NOM1: variants seen among roughly 807,000 people sequenced by gnomAD.
NOM1 encodes the protein nucleolar protein with MIF4G domain 1.
A neutral mutation model predicts 73.3 loss-of-function variants in NOM1; 58 were observed. The ratio of observed to expected loss-of-function variants is 0.79; its 90% CI spans 0.64 to 0.99. NOM1 has a LOEUF of 0.99. NOM1 is among the 50% of genes least tolerant of loss of function. The pLI is 0.00. For synonymous variants in NOM1, 487 were observed against 446.8 expected, an observed-to-expected ratio of 1.09 and a Z score of -1.14; for missense variants, 1,226 against 1,131.9, an observed-to-expected ratio of 1.08 and a Z score of -1.19.
chr7:156,949,808 G>A lies in NOM1; in HGVS notation c.71G>A (p.Arg24His). Residue 24 changes from arginine (R) to histidine (H), a missense_variant, in exon 1 of 11, where the codon CGC (arginine) becomes CAC (histidine). Arg to His is a conservative substitution (Grantham distance 29, BLOSUM62 0). Transcript: ENST00000275820. ...CAGGGACGCGTGGTCCGCATGAAGC[G>A]CAGAGGCGGGCGCGGGCCGCGCCGC... ...GSQGRVVRMKRRGGRGPRRGP... is the reference protein window; with the variant it reads ...GSQGRVVRMKHRGGRGPRRGP... 1.4e-6 allele frequency: 2 copies of A among 1,442,214 alleles called. No homozygotes were observed. The highest frequency in any genetic ancestry group is 9.1e-7 in the Non-Finnish European group (1 of 1,101,292). The allele number at this position is 1,442,214 out of a possible 1,614,324, so 89.3% of individuals were successfully genotyped here.
At position 156,965,508 on chromosome 7, in the gene NOM1, A is replaced by T. The variant is rs994364448; in HGVS notation, c.2034-762A>T. Among the ~76,000 whole-genome samples, 4 of 152,350 alleles carry T rather than the reference A, an allele frequency of 2.6e-5. No individual in the cohort carries two copies. The South Asian group carries it at 8.3e-4, about 32-fold the overall frequency. ...TCACGGCCCCAGGTTCTCACGGGTG[A>T]TGGAGAGTTCTGTTTCGGCATTGCC... is the stretch of plus-strand genomic sequence containing the variant. On this transcript the variant is annotated intron_variant, in intron 7 of 10. Coordinates refer to ENST00000275820, the MANE Select transcript of NOM1 (RefSeq NM_138400.2).
chr7:156,965,927 A>G (rs1804984220), intron 7 of NOM1, among the ~76,000 whole-genome samples: 1 of 151,836 alleles, frequency 6.6e-6, no homozygotes, highest in African/African-American at 2.4e-5. Context: ...AAAAAGTAAG[A>G]AAATGTGAAG....
Position 156,972,963 on chromosome 7 carries a change from TTTA to T in NOM1, c.*3264_*3266del, listed in dbSNP as rs1805175287. ...TAAATATATAGGGGGTTTTTTGAAATTTATTACAGTGCAATTGAAAATACACTT... is the reference window on the plus strand; with the variant it reads ...TAAATATATAGGGGGTTTTTTGAAATTTACAGTGCAATTGAAAATACACTT... On this transcript the variant is annotated 3_prime_UTR_variant, in exon 11 of 11. Coordinates refer to ENST00000275820, the MANE Select transcript of NOM1 (RefSeq NM_138400.2). 2 of 152,234 alleles carry T rather than the reference TTTA, an allele frequency of 1.3e-5. No homozygotes were observed. Among genetic ancestry groups the T allele is most frequent in the Admixed American group, 1.3e-4 (2 of 15,270 alleles). The allele number at this position is 152,234 out of a possible 1,614,324, so 9.4% of individuals were successfully genotyped here.
chr7:156,955,957 G>A (rs913413676), intron 3 of NOM1, among the ~76,000 whole-genome samples: 16 of 152,146 alleles, frequency 1.1e-4, no homozygotes, highest in African/African-American at 3.6e-4. Context: ...TTGGGAGGCC[G>A]AGGCGGGTGG....
At chr7:156,960,670 A>G (rs1222085419) in intron 4 of NOM1, among the ~76,000 whole-genome samples, 1 of 152,222 alleles carries the variant, frequency 6.6e-6, no homozygotes, top group African/African-American at 2.4e-5. Context: ...AGAAAAAGGC[A>G]GAGTTCAGGT....
Position 156,954,205 on chromosome 7 carries a change from G to A in NOM1, c.1215G>A (p.Met405Ile). The change falls in exon 3 of 11, where the codon ATG (methionine) becomes ATA (isoleucine). Residue 405 changes from methionine (M) to isoleucine (I), a missense_variant. By Grantham distance (10) the Met-to-Ile change is conservative. Coordinates refer to ENST00000275820, the MANE Select transcript of NOM1 (RefSeq NM_138400.2). ...ATGACACCCTGACCTCCGCTCTCAT[G>A]GGTGCCTGCGTCACTGCCTCGGCCA... Reference protein sequence around the residue: ...DMNDTLTSALMGACVTASAMP... With the variant: ...DMNDTLTSALIGACVTASAMP... 6.2e-7 allele frequency: 1 copy of A among 1,613,792 alleles called. No individual in the cohort carries two copies. Among genetic ancestry groups the A allele is most frequent in the Non-Finnish European group, 8.5e-7 (1 of 1,179,882 alleles).
At chr7:156,960,264 C>A in intron 4 of NOM1, 90 bp downstream of exon 4, 1 of 1,053,656 alleles carries the variant, frequency 9.5e-7, no homozygotes, top group Non-Finnish European at 1.4e-6. Flanking sequence ...GTAAATATTA[C>A]ACTTGCTTTC....
Position 156,972,881 on chromosome 7 carries a change from C to T in NOM1, c.*3178C>T, listed in dbSNP as rs1015474001. 6.6e-6 allele frequency: 1 copy of T among 152,114 alleles called. No individual in the cohort carries two copies. Among genetic ancestry groups the T allele is most frequent in the East Asian group, 1.9e-4 (1 of 5,192 alleles). 9.4% of individuals were successfully genotyped at this position (152,114 alleles called of 1,614,324 possible). A position where few individuals can be genotyped will look rare whatever the true frequency, so the allele number is the denominator to read the frequency against. On this transcript the variant is annotated 3_prime_UTR_variant, in exon 11 of 11. Transcript: ENST00000275820. ...GGCTGTTAGATAGTAATTGTAATTT[C>T]GTATAAATAGTAAATGAGTACATCT...
chr7:156,953,478 A>C (rs1043877438), intron 2 of NOM1, among the ~76,000 whole-genome samples: 1 of 152,156 alleles, frequency 6.6e-6, no homozygotes, highest in African/African-American at 2.4e-5. Context: ...GCTGCAATTG[A>C]GATAAAACTC....
chr7:156,960,240 A>C, intron 4 of NOM1, 66 bp downstream of exon 4: 4 of 1,284,828 alleles, frequency 3.1e-6, no homozygotes, highest in Non-Finnish European at 3.3e-6. Flanking sequence ...AGAACCTAAA[A>C]ATCAGTATCT....
At position 156,969,922 on chromosome 7, in the gene NOM1, G is replaced by GCCCC. The variant is rs2134802975; in HGVS notation, c.*219_*220insCCCC. 10 of 287,204 alleles carry GCCCC rather than the reference G, an allele frequency of 3.5e-5. No individual in the cohort carries two copies. Among genetic ancestry groups the GCCCC allele is most frequent in the East Asian group, 7.6e-5 (1 of 13,170 alleles). 17.8% of individuals were successfully genotyped at this position (287,204 alleles called of 1,614,324 possible). On this transcript the variant is annotated 3_prime_UTR_variant, in exon 11 of 11. Transcript: ENST00000275820. ...GGGGGTGAGAGGAGAAGGAGGGAGG[G>GCCCC]AAAAGGGGTCAGGCACACTGGACAG...
At chr7:156,952,211 C>T (rs1016188470) in intron 1 of NOM1, among the ~76,000 whole-genome samples, 1 of 151,994 alleles carries the variant, frequency 6.6e-6, no homozygotes, top group Non-Finnish European at 1.5e-5. Context: ...ACAGCTGGGT[C>T]TGAAGAGCTA....
chr7:156,962,945 G>C (rs147451571), intron 5 of NOM1, 63 bp from the exon 6 acceptor site: 5 of 1,536,530 alleles, frequency 3.3e-6, no homozygotes, highest in Non-Finnish European at 4.4e-6. Context: ...AAAGCCACCG[G>C]TGATGGAAGG....
At chr7:156,968,709 A>G (rs1160809416) in intron 9 of NOM1, 4 of 33,008 alleles carry the variant, frequency 1.2e-4, no homozygotes, top group Non-Finnish European at 3.1e-4. Context: ...ATATATATAT[A>G]TATATATATA....
chr7:156,969,923 A>ACCCC lies in NOM1; in HGVS notation c.*220_*221insCCCC. 2.6e-6 allele frequency: 1 copy of ACCCC among 377,642 alleles called. No homozygotes were observed. Among genetic ancestry groups the ACCCC allele is most frequent in the Non-Finnish European group, 4.8e-6 (1 of 210,398 alleles). 23.4% of individuals were successfully genotyped at this position (377,642 alleles called of 1,614,324 possible). A position where few individuals can be genotyped will look rare whatever the true frequency, so the allele number is the denominator to read the frequency against. ...GGGGTGAGAGGAGAAGGAGGGAGGGAAAAGGGGTCAGGCACACTGGACAGG... is the reference window on the plus strand; with the variant it reads ...GGGGTGAGAGGAGAAGGAGGGAGGGACCCCAAAGGGGTCAGGCACACTGGACAGG... On this transcript the variant is annotated 3_prime_UTR_variant, in exon 11 of 11. Coordinates refer to ENST00000275820, the MANE Select transcript of NOM1 (RefSeq NM_138400.2).
At position 156,962,911 on chromosome 7, in the gene NOM1, C is replaced by T. The variant is rs374198762; in HGVS notation, c.1744-97C>T. ...GTGACCCATTCCAGTATTCATGCAC[C>T]AGAAATGTCATGGTCAAAAACAAAA... On this transcript the variant is annotated intron_variant, in intron 5 of 10. Coordinates refer to ENST00000275820, the MANE Select transcript of NOM1 (RefSeq NM_138400.2). 4 of 1,352,254 alleles carry T rather than the reference C, an allele frequency of 3.0e-6. No individual in the cohort carries two copies. In the African/African-American group the frequency reaches 4.3e-5, roughly 15 times the overall value. The allele number at this position is 1,352,254 out of a possible 1,614,324, so 83.8% of individuals were successfully genotyped here. A position where few individuals can be genotyped will look rare whatever the true frequency, so the allele number is the denominator to read the frequency against.
Position 156,950,245 on chromosome 7 carries a change from G to A in NOM1, c.508G>A (p.Ala170Thr), listed in dbSNP as rs772683699. Residue 170 changes from alanine (A) to threonine (T), a missense_variant, in exon 1 of 11, where the codon GCC becomes ACC. Coordinates refer to ENST00000275820, the MANE Select transcript of NOM1 (RefSeq NM_138400.2). The stretch of plus-strand genomic sequence containing the variant: ...ACCCTCCGCAGCCGCCACCGCCGCT[G>A]CCCGGAAACGGGCGCTTTTAGCGGC... ...TRPSAAATAA[A>T]RKRALLAANE... 3.7e-5 allele frequency: 60 copies of A among 1,613,248 alleles called. No individual in the cohort carries two copies. Among genetic ancestry groups the A allele is most frequent in the Non-Finnish European group, 4.9e-5 (58 of 1,179,682 alleles).
At position 156,950,345 on chromosome 7, in the gene NOM1, G is replaced by A; in HGVS notation, c.608G>A (p.Gly203Asp). The change falls in exon 1 of 11, where the codon GGC (glycine) becomes GAC (aspartate). Residue 203 changes from glycine (G) to aspartate (D), a missense_variant. Transcript: ENST00000275820. Reference protein sequence around the residue: ...LGLNKRKKKDGSSSVPLSFAR... With the variant: ...LGLNKRKKKDDSSSVPLSFAR... ...TTGAACAAGCGCAAAAAGAAGGACG[G>A]CAGCAGCTCCGTGCCGCTGAGCTTT... 1 of 1,614,116 alleles carries A rather than the reference G, an allele frequency of 6.2e-7. No homozygotes were observed. Among genetic ancestry groups the A allele is most frequent in the Non-Finnish European group, 8.5e-7 (1 of 1,179,942 alleles).
rs1346324843 is a variant in NOM1, at chr7:156,963,156, A to G, written c.1892A>G (p.Gln631Arg). The change falls in exon 6 of 11, where the codon CAG becomes CGG. Residue 631 changes from glutamine (Q) to arginine (R), a missense_variant. Physicochemically the swap from Gln to Arg is conservative, Grantham distance 43 (BLOSUM62 1). Transcript: ENST00000275820. ...GACAACAGTCACCATACGCACCTGC[A>G]GAAGCAGCTTGTGGGGACGGTAGGG... ...MIDNSHHTHLQKQLVGTVSSK... is the reference protein window; with the variant it reads ...MIDNSHHTHLRKQLVGTVSSK... 1 of 1,614,150 alleles carries G rather than the reference A, an allele frequency of 6.2e-7. No individual in the cohort carries two copies. The highest frequency in any genetic ancestry group is 2.2e-5 in the East Asian group (1 of 44,870).
Sources: gnomAD v4.1 joint callset for allele counts (sites outside exome capture counted in the v4.1 genomes callset) on GRCh38, gnomAD v4.1.1 for gene constraint, MANE v1.5 for transcripts, NCBI Gene and HGNC (gene_info 2026-07-23, HGNC 2026-07-21) for gene names.